COL5A1: variants seen among roughly 807,000 people sequenced by gnomAD.
The protein encoded by COL5A1 is collagen type V alpha 1 chain.
A neutral mutation model predicts 263.7 loss-of-function variants in COL5A1; 16 were observed. The observed-to-expected ratio is 0.06, with a 90% CI of 0.04 to 0.09. COL5A1 has a LOEUF of 0.09. COL5A1 is among the 10% of genes least tolerant of loss of function. COL5A1 has a pLI of 1.00. For missense variants in COL5A1, 2,036 were observed against 2,540.5 expected, an observed-to-expected ratio of 0.80 and a Z score of 4.27; for synonymous variants, 1,012 against 1,004.5, an observed-to-expected ratio of 1.01 and a Z score of -0.14.
chr9:134,781,581 C>G (rs1265634425), intron 28 of COL5A1, among the ~76,000 whole-genome samples: 1 of 152,226 alleles, frequency 6.6e-6, no homozygotes, highest in Non-Finnish European at 1.5e-5. Context: ...ACAGGGCTGC[C>G]TGAGATGATA....
At chr9:134,836,885 T>C (rs1372219256) in intron 65 of COL5A1, among the ~76,000 whole-genome samples, 7 of 152,208 alleles carry the variant, frequency 4.6e-5, no homozygotes, top group Non-Finnish European at 8.8e-5. Context: ...TGCGATTGGT[T>C]GGGGTCAGTA....
rs1021593949 is a variant in COL5A1 at position 134,821,561 on chromosome 9, G to A, written c.4555-536G>A. On this transcript the variant is annotated intron_variant, in intron 58 of 65. Coordinates refer to ENST00000371817, the MANE Select transcript of COL5A1 (RefSeq NM_000093.5). This position sits in a 1 kb window ranked among gnomAD's most constrained non-coding sequence, Gnocchi z 4.2. Reference sequence around the variant, plus strand: ...AAAGCTGTTCTGTGCCAGCAGCTCAGTCTGGGAGGGAGTCAGTGGGGAGAA... The same window carrying A: ...AAAGCTGTTCTGTGCCAGCAGCTCAATCTGGGAGGGAGTCAGTGGGGAGAA... 7.9e-5 allele frequency among the ~76,000 whole-genome samples: 12 copies of A among 152,332 alleles called. No individual in the cohort carries two copies. Among genetic ancestry groups the A allele is most frequent in the African/African-American group, 2.9e-4 (12 of 41,578 alleles).
intron 58 of COL5A1, 24 bp downstream of exon 58, chr9:134,820,247 A>C (rs530702220): frequency 6.3e-7 from 1 of 1,584,658 alleles, no homozygotes; most frequent in Admixed American, 1.7e-5. Flanking sequence ...CACTTCTTGC[A>C]TGTGGGCTGT....
intron 36 of COL5A1, 57 bp from the exon 37 acceptor site, chr9:134,798,351 A>C: frequency 5.9e-6 from 9 of 1,535,642 alleles, no homozygotes; most frequent in Non-Finnish European, 8.1e-6. Flanking sequence ...ATTAATTCTC[A>C]AAGGTGGTTG....
intron 1 of COL5A1, among the ~76,000 whole-genome samples, chr9:134,667,327 G>A (rs1832389897): frequency 2.0e-5 from 3 of 152,216 alleles, no homozygotes; most frequent in African/African-American, 7.2e-5. Flanking sequence ...ATGCCTCCAG[G>A]CCCTCTCAGG....
chr9:134,694,809 G>C (rs187963683), intron 2 of COL5A1, among the ~76,000 whole-genome samples: 1 of 152,216 alleles, frequency 6.6e-6, no homozygotes, highest in East Asian at 1.9e-4. Context: ...CCCAGGCCTC[G>C]GTCCCCTGTG....
chr9:134,643,983 C>T (rs1214072821), intron 1 of COL5A1, among the ~76,000 whole-genome samples: 2 of 152,104 alleles, frequency 1.3e-5, no homozygotes, highest in Non-Finnish European at 2.9e-5. Flanking sequence ...AATCGAAGTG[C>T]GGCTCGTTGG....
rs755989232 is a variant in COL5A1, at chr9:134,817,013, C to T, written c.4123-13C>T. On this transcript the variant is annotated splice_polypyrimidine_tract_variant and intron_variant, in intron 52 of 65. Coordinates refer to ENST00000371817, the MANE Select transcript of COL5A1 (RefSeq NM_000093.5). ...CCCAATTCCTCACACTCTGTTCTTT[C>T]TCCCAATACCAGGGATCCCCCGGCC... 1 of 1,613,558 alleles carries T rather than the reference C, an allele frequency of 6.2e-7. No homozygotes were observed. Among genetic ancestry groups the T allele is most frequent in the South Asian group, 1.1e-5 (1 of 91,070 alleles).
chr9:134,743,234 G>A (rs1017355605), intron 11 of COL5A1, among the ~76,000 whole-genome samples: 1 of 152,160 alleles, frequency 6.6e-6, no homozygotes, highest in African/African-American at 2.4e-5. Flanking sequence ...CTGTGGATTT[G>A]ATTGCATTTT....
intron 1 of COL5A1, among the ~76,000 whole-genome samples, chr9:134,658,247 G>A (rs971971486): frequency 2.0e-5 from 3 of 152,136 alleles, no homozygotes; most frequent in East Asian, 3.9e-4. Flanking sequence ...CAGCACCCAC[G>A]CTGGGAGGTT....
At chr9:134,761,129 AC>A (rs1216180545) in intron 18 of COL5A1, among the ~76,000 whole-genome samples, 4 of 143,504 alleles carry the variant, frequency 2.8e-5, no homozygotes, top group Admixed American at 7.0e-5. Context: ...GCACACTCAT[AC>A]CCCCACATGC....
intron 18 of COL5A1, among the ~76,000 whole-genome samples, chr9:134,760,409 TACAC>T (rs552498200): frequency 9.7e-5 from 5 of 51,346 alleles, no homozygotes; most frequent in Non-Finnish European, 1.6e-4. Flanking sequence ...CCCACACTCA[TACAC>T]ACATGCACAC....
Position 134,801,937 on chromosome 9 carries a change from T to C in COL5A1, c.2953-17T>C. The C allele has an allele frequency of 6.2e-7, 1 of 1,613,056 alleles. No individual in the cohort carries two copies. Among genetic ancestry groups the C allele is most frequent in the Non-Finnish European group, 8.5e-7 (1 of 1,179,814 alleles). On this transcript the variant is annotated splice_polypyrimidine_tract_variant and intron_variant, in intron 37 of 65. Coordinates refer to ENST00000371817, the MANE Select transcript of COL5A1 (RefSeq NM_000093.5). The stretch of plus-strand genomic sequence containing the variant: ...GGCCACTGCAGCACCGTCAGTGCAG[T>C]GACTCTCTCTTCACAGGGTTTCCAA...
In COL5A1 at chr9:134,829,966, G is replaced by A. The variant is rs1839532145; in HGVS notation, c.5068-10G>A. 1.2e-6 allele frequency: 2 copies of A among 1,612,446 alleles called. No homozygotes were observed. The highest frequency in any genetic ancestry group is 4.5e-5 in the East Asian group (2 of 44,862). ...TTCTCTCCCTCCCCACCTCCCCGCT[G>A]CATGTTTAGGCCAGAATCACTTCTT... On this transcript the variant is annotated splice_polypyrimidine_tract_variant and intron_variant, in intron 63 of 65. Coordinates refer to ENST00000371817, the MANE Select transcript of COL5A1 (RefSeq NM_000093.5).
intron 18 of COL5A1, among the ~76,000 whole-genome samples, chr9:134,759,328 GCACACAAGCA>G (rs1836131432): frequency 9.0e-6 from 1 of 111,374 alleles, no homozygotes; most frequent in African/African-American, 4.1e-5. Flanking sequence ...ATACACACAT[GCACACAAGCA>G]CACACACACA....
chr9:134,778,551 T>C (rs1173069249), intron 27 of COL5A1, among the ~76,000 whole-genome samples: 1 of 152,188 alleles, frequency 6.6e-6, no homozygotes, highest in Non-Finnish European at 1.5e-5. Context: ...CTTGGGCCAG[T>C]GCTGTTTCTG....
At chr9:134,760,294 CACACCCCCCACACATACACACAT>C (rs1284739403) in intron 18 of COL5A1, among the ~76,000 whole-genome samples, 4 of 105,612 alleles carry the variant, frequency 3.8e-5, no homozygotes, top group African/African-American at 1.8e-4. Flanking sequence ...CACACACCCC[CACACCCCCCACACATACACACAT>C]GCACACACCA....
intron 18 of COL5A1, among the ~76,000 whole-genome samples, chr9:134,759,368 G>GCA (rs148297957): frequency 2.1e-4 from 21 of 102,112 alleles, no homozygotes; most frequent in African/African-American, 8.9e-4. Flanking sequence ...ATACACAGAT[G>GCA]CACACACACC....
At chr9:134,656,397 C>T (rs907102891) in intron 1 of COL5A1, among the ~76,000 whole-genome samples, 22 of 152,132 alleles carry the variant, frequency 1.4e-4, no homozygotes, top group African/African-American at 1.2e-4. Flanking sequence ...TCAGGGACAC[C>T]GGGAGCTTCG....
Sources: allele counts gnomAD v4.1 joint callset (sites outside exome capture counted in the v4.1 genomes callset), GRCh38; gene constraint gnomAD v4.1.1; non-coding constraint Gnocchi (gnomAD v3.1); transcripts MANE v1.5; gene names NCBI Gene and HGNC (gene_info 2026-07-23, HGNC 2026-07-21).